Variants in GALNT13 observed in about 807,000 individuals in gnomAD.
The protein encoded by GALNT13 is polypeptide N-acetylgalactosaminyltransferase 13, also known as UDP-GalNAc:polypeptide N-acetylgalactosaminyltransferase 13.
Under a neutral mutation model 64.2 loss-of-function variants are expected in GALNT13, and 28 were observed. That is an observed-to-expected ratio of 0.44 (90% confidence interval 0.32 to 0.60). GALNT13 has a LOEUF of 0.60. GALNT13 is among the 20% of genes least tolerant of loss of function. The pLI, the probability that GALNT13 is intolerant of heterozygous loss-of-function variation, is 0.05. For synonymous variants in GALNT13, 214 were observed against 224.6 expected, an observed-to-expected ratio of 0.95 and a Z score of 0.42; for missense variants, 577 against 669.8, an observed-to-expected ratio of 0.86 and a Z score of 1.53.
the GALNT13 span, among the ~76,000 whole-genome samples, chr2:153,374,479 C>T: frequency 6.1e-3 from 932 of 152,016 alleles, 6 homozygotes; most frequent in African/African-American, 0.021. Context: ...GTATATTGAA[C>T]TTGTTATCAG....
At chr2:154,083,005 G>A (rs764536554) in intron 3 of GALNT13, among the ~76,000 whole-genome samples, 2 of 151,986 alleles carry the variant, frequency 1.3e-5, no homozygotes, top group Non-Finnish European at 2.9e-5. Context: ...GTCCGGAATG[G>A]TATTACCTAG....
chr2:154,051,985 T>G (rs1699647050), intron 3 of GALNT13, among the ~76,000 whole-genome samples: 1 of 152,084 alleles, frequency 6.6e-6, no homozygotes. Flanking sequence ...CAAGAAAAAG[T>G]GGTGAATTTT....
chr2:153,647,825 ATC>A, the GALNT13 span, among the ~76,000 whole-genome samples: 2 of 152,056 alleles, frequency 1.3e-5, no homozygotes, highest in African/African-American at 4.8e-5. Context: ...ATTGGTCTAT[ATC>A]TCTGTTTTGG....
chr2:154,216,947 T>C (rs1269468597), intron 4 of GALNT13, among the ~76,000 whole-genome samples: 1 of 149,448 alleles, frequency 6.7e-6, no homozygotes, highest in African/African-American at 2.5e-5. Flanking sequence ...GACCACCACA[T>C]CAAGCTATTT....
intron 2 of GALNT13, among the ~76,000 whole-genome samples, chr2:153,935,341 A>G (rs1690828435): frequency 6.6e-6 from 1 of 152,212 alleles, no homozygotes; most frequent in African/African-American, 2.4e-5. Flanking sequence ...TGGCTCACTC[A>G]GCCCATATAC....
At chr2:154,314,430 T>G (rs1389559509) in intron 9 of GALNT13, among the ~76,000 whole-genome samples, 1 of 152,184 alleles carries the variant, frequency 6.6e-6, no homozygotes, top group Admixed American at 6.5e-5. Flanking sequence ...TTGTTTGGAT[T>G]TATACTCATT....
At chr2:153,657,322 T>C in the GALNT13 span, among the ~76,000 whole-genome samples, 1 of 152,150 alleles carries the variant, frequency 6.6e-6, no homozygotes, top group Non-Finnish European at 1.5e-5. Context: ...ATTATGGCAG[T>C]GTCCAGAATG....
At chr2:153,758,450 G>C in the GALNT13 span, among the ~76,000 whole-genome samples, 3 of 151,750 alleles carry the variant, frequency 2.0e-5, no homozygotes, top group African/African-American at 7.3e-5. Flanking sequence ...TTGTTTCAGG[G>C]TGCAAGATTG....
chr2:154,297,780 A>T (rs1457981398), intron 8 of GALNT13, among the ~76,000 whole-genome samples: 1 of 152,010 alleles, frequency 6.6e-6, no homozygotes, highest in East Asian at 1.9e-4. Flanking sequence ...TAAGTCAATG[A>T]TATGTTCTAG....
the GALNT13 span, among the ~76,000 whole-genome samples, chr2:153,250,473 T>G: frequency 6.6e-6 from 1 of 152,210 alleles, no homozygotes; most frequent in African/African-American, 2.4e-5. Context: ...GACAGTATGG[T>G]GATTCCTCAA....
the GALNT13 span, among the ~76,000 whole-genome samples, chr2:153,509,683 T>C: frequency 1.3e-5 from 2 of 152,208 alleles, no homozygotes; most frequent in Admixed American, 1.3e-4. Flanking sequence ...TGTGTGAACT[T>C]GGTTGAGCCA....
intron 3 of GALNT13, among the ~76,000 whole-genome samples, chr2:154,039,270 A>T (rs1351555020): frequency 4.0e-5 from 4 of 99,058 alleles, no homozygotes; most frequent in Admixed American, 9.8e-5. Context: ...TATTTATCCA[A>T]ATGAAAATAA....
intron 6 of GALNT13, among the ~76,000 whole-genome samples, chr2:154,243,241 A>C (rs541260768): frequency 5.9e-4 from 90 of 152,200 alleles, no homozygotes; most frequent in Non-Finnish European, 1.0e-3. Flanking sequence ...CCACCCTGTG[A>C]GGTAGGTACT....
the GALNT13 span, among the ~76,000 whole-genome samples, chr2:153,343,849 A>G: frequency 6.6e-6 from 1 of 152,158 alleles, no homozygotes; most frequent in Non-Finnish European, 1.5e-5. Context: ...TCCTCTTTGT[A>G]TCCCTAACAC....
At chr2:153,835,133 G>A in the GALNT13 span, among the ~76,000 whole-genome samples, 2,002 of 152,022 alleles carry the variant, frequency 0.013, 49 homozygotes, top group African/African-American at 0.045. Flanking sequence ...TTTTCCTCTT[G>A]TAATCTTACA....
the GALNT13 span, among the ~76,000 whole-genome samples, chr2:153,425,294 C>T: frequency 6.6e-6 from 1 of 151,522 alleles, no homozygotes; most frequent in East Asian, 1.9e-4. Context: ...CTATAGTTTT[C>T]AGTTATTCCT....
the GALNT13 span, among the ~76,000 whole-genome samples, chr2:153,296,253 A>G: frequency 1.3e-3 from 192 of 152,272 alleles, no homozygotes; most frequent in African/African-American, 4.6e-3. Context: ...GAAGTTATCA[A>G]CCAACACAGG....
the GALNT13 span, among the ~76,000 whole-genome samples, chr2:153,195,704 C>G: frequency 3.9e-5 from 6 of 152,374 alleles, no homozygotes; most frequent in Admixed American, 1.3e-4. Context: ...AGGGACATGT[C>G]TCAGCCCTGT....
intron 3 of GALNT13, among the ~76,000 whole-genome samples, chr2:154,109,109 T>C (rs1049547085): frequency 2.6e-5 from 4 of 152,148 alleles, no homozygotes; most frequent in African/African-American, 9.6e-5. Flanking sequence ...TCGCATTAAG[T>C]GTTTAGATCA....
Sources: gnomAD v4.1 joint callset for allele counts (sites outside exome capture counted in the v4.1 genomes callset) on GRCh38, gnomAD v4.1.1 for gene constraint, MANE v1.5 for transcripts, NCBI Gene and HGNC (gene_info 2026-07-23, HGNC 2026-07-21) for gene names.